Variants in ZNF148 observed in about 807,000 individuals in gnomAD.
The protein encoded by ZNF148 is Beta-Enolase Repressor Factor-1.
A neutral mutation model predicts 67.7 loss-of-function variants in ZNF148; 7 were observed. The observed-to-expected ratio is 0.10, with a 90% CI of 0.06 to 0.19. The LOEUF is 0.19. Ranked by LOEUF, ZNF148 falls within the 10% of genes least tolerant of loss-of-function variation. The probability of loss-of-function intolerance (pLI) is 1.00; values close to 1 mark genes in which losing one functional copy is unlikely to be tolerated. For synonymous variants in ZNF148, 333 were observed against 330.7 expected, an observed-to-expected ratio of 1.01 and a Z score of -0.08; for missense variants, 583 against 947.1, an observed-to-expected ratio of 0.62 and a Z score of 5.05.
intron 1 of ZNF148, among the ~76,000 whole-genome samples, chr3:125,337,505 A>G (rs1020119563): frequency 1.3e-5 from 2 of 152,292 alleles, no homozygotes; most frequent in South Asian, 2.1e-4. Context: ...TAATTCTTAC[A>G]TAAGTTTTTA....
intron 8 of ZNF148, 134 bp from the exon 9 acceptor site, chr3:125,234,073 C>T: frequency 7.8e-7 from 1 of 1,283,534 alleles, no homozygotes; most frequent in Non-Finnish European, 1.1e-6. Context: ...ATTCACTGAG[C>T]CAATTTTCTA....
intron 2 of ZNF148, among the ~76,000 whole-genome samples, chr3:125,324,373 T>G (rs897614717): frequency 6.6e-6 from 1 of 152,082 alleles, no homozygotes; most frequent in African/African-American, 2.4e-5. Flanking sequence ...ATAGAAACGA[T>G]TATGGTTATA....
intron 4 of ZNF148, among the ~76,000 whole-genome samples, chr3:125,297,084 A>T (rs1429780312): frequency 6.6e-6 from 1 of 151,744 alleles, no homozygotes; most frequent in Non-Finnish European, 1.5e-5. Context: ...TTTCAATCTT[A>T]AAAAGATATT....
chr3:125,368,073 T>C (rs1942756555), intron 1 of ZNF148, among the ~76,000 whole-genome samples: 1 of 152,212 alleles, frequency 6.6e-6, no homozygotes, highest in Admixed American at 6.5e-5. Context: ...CAAATATAAG[T>C]ATGGTTCACT....
chr3:125,254,705 T>C (rs562517960), intron 7 of ZNF148, among the ~76,000 whole-genome samples: 3 of 152,280 alleles, frequency 2.0e-5, no homozygotes, highest in Non-Finnish European at 4.4e-5. Context: ...CATTTTTTTT[T>C]CATTATTTTA....
intron 1 of ZNF148, among the ~76,000 whole-genome samples, chr3:125,354,806 A>C (rs953744114): frequency 2.0e-5 from 3 of 152,250 alleles, no homozygotes; most frequent in African/African-American, 7.2e-5. Flanking sequence ...AGCCACTGAA[A>C]AGTTTACAGT....
At chr3:125,375,067 C>CCCCGGG (rs1395691291) in intron 1 of ZNF148, 35 bp downstream of exon 1, 5 of 151,770 alleles carry the variant, frequency 3.3e-5, no homozygotes, top group Non-Finnish European at 7.4e-5. Flanking sequence ...CCCCGCCCTC[C>CCCCGGG]CCCGGGCCCG....
In ZNF148 at chr3:125,230,933, G is replaced by GTA. The variant is rs1935831731; in HGVS notation, c.*1406_*1407dup. On this transcript the variant is annotated 3_prime_UTR_variant, in exon 9 of 9. Coordinates refer to ENST00000360647, the MANE Select transcript of ZNF148 (RefSeq NM_021964.3). ...TCATTCTTCAGAAAAGTGTGTGTGT[G>GTA]TATATATACATAAAAGCACTATTTA... 1 of 152,216 alleles carries GTA rather than the reference G, an allele frequency of 6.6e-6. No homozygotes were observed. The highest frequency in any genetic ancestry group is 1.5e-5 in the Non-Finnish European group (1 of 67,896). The allele number at this position is 152,216 out of a possible 1,614,324, so 9.4% of individuals were successfully genotyped here.
At chr3:125,353,890 A>G (rs1385361105) in intron 1 of ZNF148, among the ~76,000 whole-genome samples, 3 of 152,228 alleles carry the variant, frequency 2.0e-5, no homozygotes. Flanking sequence ...CCTGGGCAAC[A>G]TAGCAAGACC....
intron 7 of ZNF148, among the ~76,000 whole-genome samples, chr3:125,240,765 CAA>C (rs200238945): frequency 1.8e-4 from 15 of 84,094 alleles, no homozygotes; most frequent in Non-Finnish European, 2.0e-4. Context: ...ATCCTGTCTG[CAA>C]AAAAAAAAAA....
rs1369516554 is a variant in ZNF148, at chr3:125,232,475, C to T, written c.2251G>A (p.Ala751Thr). The T allele has an allele frequency of 6.2e-7, 1 of 1,613,664 alleles. No individual in the cohort carries two copies. The highest frequency in any genetic ancestry group is 1.1e-5 in the South Asian group (1 of 91,078). Residue 751 changes from alanine (A) to threonine (T), a missense_variant, in exon 9 of 9, where the codon GCC becomes ACC. This residue lies in a region of ZNF148 where 158 missense variants were observed against 208.4 expected (regional missense o/e 0.76). Coordinates refer to ENST00000360647, the MANE Select transcript of ZNF148 (RefSeq NM_021964.3). This position sits in a 1 kb window ranked among gnomAD's most constrained non-coding sequence, Gnocchi z 4.2. The part of the protein sequence containing the change: ...RAGIATQFST[A>T]NGQVNLRGPG... ...CCCCGAAGGTTCACCTGTCCATTGG[C>T]AGTGCTAAATTGAGTAGCTATTCCA...
At chr3:125,352,034 C>G (rs997213542) in intron 1 of ZNF148, among the ~76,000 whole-genome samples, 2 of 151,880 alleles carry the variant, frequency 1.3e-5, no homozygotes, top group Non-Finnish European at 2.9e-5. Context: ...ATTTTTCACT[C>G]TTACATACAC....
chr3:125,309,897 A>G (rs1940104774), intron 4 of ZNF148, among the ~76,000 whole-genome samples: 1 of 152,196 alleles, frequency 6.6e-6, no homozygotes, highest in South Asian at 2.1e-4. Flanking sequence ...CAAGGTGGAC[A>G]ACATTCTGGG....
At chr3:125,258,455 C>T (rs955640432) in intron 7 of ZNF148, among the ~76,000 whole-genome samples, 4 of 139,726 alleles carry the variant, frequency 2.9e-5, no homozygotes, top group Admixed American at 7.1e-5. Context: ...AGGGGGATAG[C>T]ATCTTCCTAT....
intron 7 of ZNF148, among the ~76,000 whole-genome samples, chr3:125,265,787 C>G (rs1401873877): frequency 6.6e-6 from 1 of 152,128 alleles, no homozygotes; most frequent in Non-Finnish European, 1.5e-5. Context: ...ATATAGAATA[C>G]TGTGTGTCTT....
intron 3 of ZNF148, among the ~76,000 whole-genome samples, chr3:125,321,270 G>T (rs1579798999): frequency 6.6e-6 from 1 of 151,970 alleles, no homozygotes; most frequent in East Asian, 1.9e-4. Flanking sequence ...GGACAAAATG[G>T]TCTCTGATCA....
chr3:125,332,463 T>C (rs1258402753), intron 1 of ZNF148, among the ~76,000 whole-genome samples: 2 of 152,208 alleles, frequency 1.3e-5, no homozygotes, highest in African/African-American at 2.4e-5. Context: ...AGCTAAATTA[T>C]GTTAAATTAA....
chr3:125,306,281 T>C (rs553787296), intron 4 of ZNF148, among the ~76,000 whole-genome samples: 9 of 152,070 alleles, frequency 5.9e-5, no homozygotes, highest in African/African-American at 1.4e-4. Flanking sequence ...ACCAAAGTAG[T>C]AGAAAGAAAT....
At chr3:125,265,252 T>C (rs575113725) in intron 7 of ZNF148, among the ~76,000 whole-genome samples, 2 of 152,376 alleles carry the variant, frequency 1.3e-5, no homozygotes, top group South Asian at 2.1e-4. Flanking sequence ...GTCTGGATGA[T>C]TAAAGCATAG....
Sources: gnomAD v4.1 joint callset for allele counts (sites outside exome capture counted in the v4.1 genomes callset) on GRCh38, gnomAD v4.1.1 for gene constraint, gnomAD v4.1.1 regional missense constraint, Gnocchi (gnomAD v3.1) non-coding constraint, MANE v1.5 for transcripts, NCBI Gene and HGNC (gene_info 2026-07-23, HGNC 2026-07-21) for gene names.